The following PLCXD3 variants were observed in gnomAD, a reference collection of about 807,000 sequenced individuals.
PLCXD3 encodes PI-PLC X domain-containing protein 3.
Under a neutral mutation model 25.5 loss-of-function variants are expected in PLCXD3, and 19 were observed. The ratio of observed to expected loss-of-function variants is 0.75; its 90% confidence interval spans 0.52 to 1.09. PLCXD3 has a LOEUF of 1.09. Among genes scored for constraint, PLCXD3 ranks in the 50% least tolerant of loss-of-function variants. PLCXD3 has a pLI of 0.00. For missense variants in PLCXD3, 411 were observed against 388.1 expected, an observed-to-expected ratio of 1.06 and a Z score of -0.50; for synonymous variants, 174 against 137.6, an observed-to-expected ratio of 1.26 and a Z score of -1.85.
intron 1 of PLCXD3, among the ~76,000 whole-genome samples, chr5:41,458,705 A>G (rs1747808640): frequency 6.6e-6 from 1 of 151,928 alleles, no homozygotes; most frequent in Non-Finnish European, 1.5e-5. Context: ...GAGGTCACAG[A>G]AAACTAAAGC....
At chr5:41,419,304 G>A (rs1041732138) in intron 1 of PLCXD3, among the ~76,000 whole-genome samples, 2 of 152,054 alleles carry the variant, frequency 1.3e-5, no homozygotes, top group Non-Finnish European at 2.9e-5. Flanking sequence ...CCAAGGCTTC[G>A]TGATAATAAA....
intron 1 of PLCXD3, among the ~76,000 whole-genome samples, chr5:41,482,229 T>G (rs146995241): frequency 2.0e-5 from 3 of 152,156 alleles, no homozygotes; most frequent in African/African-American, 7.2e-5. Flanking sequence ...TTTATCTCCA[T>G]TTCCAGCTCC....
chr5:41,446,086 G>T (rs1000316485), intron 1 of PLCXD3, among the ~76,000 whole-genome samples: 14 of 146,504 alleles, frequency 9.6e-5, no homozygotes, highest in Non-Finnish European at 1.8e-4. Flanking sequence ...TTCTTGGGAG[G>T]CTGAGGCAGG....
chr5:41,484,211 C>CA (rs1254268898), intron 1 of PLCXD3, among the ~76,000 whole-genome samples: 4 of 151,790 alleles, frequency 2.6e-5, no homozygotes, highest in Non-Finnish European at 4.4e-5. Flanking sequence ...AATTCTTGTA[C>CA]TCATAAAGTC....
At chr5:41,438,802 GA>G (rs35050344) in intron 1 of PLCXD3, among the ~76,000 whole-genome samples, 7,945 of 133,602 alleles carry the variant, frequency 0.059, 215 homozygotes, top group Non-Finnish European at 0.07. Flanking sequence ...CTGTCATTAG[GA>G]AAAAAAAAAA....
chr5:41,471,848 C>G (rs1209395089), intron 1 of PLCXD3, among the ~76,000 whole-genome samples: 4 of 6,288 alleles, frequency 6.4e-4, no homozygotes, highest in Admixed American at 2.5e-3. Flanking sequence ...CTCCCCTCCC[C>G]TCCCCTCCCT....
intron 2 of PLCXD3, among the ~76,000 whole-genome samples, chr5:41,330,153 C>T (rs1160241330): frequency 6.6e-6 from 1 of 151,828 alleles, no homozygotes; most frequent in African/African-American, 2.4e-5. Flanking sequence ...CTCTGATGCA[C>T]TGGGGGATAA....
chr5:41,476,921 C>G (rs889226502), intron 1 of PLCXD3, among the ~76,000 whole-genome samples: 4 of 152,172 alleles, frequency 2.6e-5, no homozygotes, highest in African/African-American at 9.6e-5. Context: ...GTGCTTAACA[C>G]CTTAATCTTC....
intron 1 of PLCXD3, among the ~76,000 whole-genome samples, chr5:41,456,799 C>G (rs1010536001): frequency 2.0e-5 from 3 of 151,868 alleles, no homozygotes; most frequent in African/African-American, 7.3e-5. Context: ...AGCAGCCTCT[C>G]ACCCTCTCAC....
rs1441894506 is a variant in PLCXD3 at position 41,313,883 on chromosome 5, A to G, written c.813-113T>C. 37 of 1,287,852 alleles carry G rather than the reference A, an allele frequency of 2.9e-5. No homozygotes were observed. The Admixed American group carries it at 9.8e-4, about 34-fold the overall frequency. The allele number at this position is 1,287,852 out of a possible 1,614,324, so 79.8% of individuals were successfully genotyped here. A position where few individuals can be genotyped will look rare whatever the true frequency, so the allele number is the denominator to read the frequency against. On this transcript the variant is annotated intron_variant, in intron 2 of 2. Transcript: ENST00000377801. The stretch of plus-strand genomic sequence containing the variant: ...GCTTATTAAAATAAATGTTTCACGT[A>G]TAGGTACAGGAAGGGGAAAAGGCCA...
chr5:41,318,771 G>C (rs762813029), intron 2 of PLCXD3, among the ~76,000 whole-genome samples: 43 of 152,032 alleles, frequency 2.8e-4, no homozygotes, highest in Non-Finnish European at 5.7e-4. Flanking sequence ...GAATGTAAAT[G>C]GACTAAACTC....
chr5:41,432,619 G>C (rs1295552910), intron 1 of PLCXD3, among the ~76,000 whole-genome samples: 2 of 152,202 alleles, frequency 1.3e-5, no homozygotes. Flanking sequence ...AAGAGAGCCA[G>C]CTTCCAAGAG....
chr5:41,486,566 G>C (rs1194163245), intron 1 of PLCXD3, among the ~76,000 whole-genome samples: 1 of 152,060 alleles, frequency 6.6e-6, no homozygotes, highest in African/African-American at 2.4e-5. Context: ...GCTAAGCAGA[G>C]CTGAGCCTCA....
chr5:41,330,924 T>C (rs1282665567), intron 2 of PLCXD3, among the ~76,000 whole-genome samples: 1 of 152,078 alleles, frequency 6.6e-6, no homozygotes, highest in Non-Finnish European at 1.5e-5. Flanking sequence ...CTCAATAAAT[T>C]AGGTATTGAT....
At chr5:41,479,462 G>T (rs1385242461) in intron 1 of PLCXD3, among the ~76,000 whole-genome samples, 1 of 152,038 alleles carries the variant, frequency 6.6e-6, no homozygotes, top group Admixed American at 6.6e-5. Context: ...AGAATTGTAT[G>T]CCTAAAATCG....
At chr5:41,331,179 T>C (rs1446040220) in intron 2 of PLCXD3, among the ~76,000 whole-genome samples, 24 of 152,186 alleles carry the variant, frequency 1.6e-4, no homozygotes, top group Non-Finnish European at 3.2e-4. Context: ...GATGACATGA[T>C]TGTATATCTA....
chr5:41,457,728 T>C (rs532943687), intron 1 of PLCXD3, among the ~76,000 whole-genome samples: 1 of 152,038 alleles, frequency 6.6e-6, no homozygotes, highest in South Asian at 2.1e-4. Flanking sequence ...CTAGGGTTCT[T>C]AAAGCTGATG....
At chr5:41,345,538 T>C (rs982002568) in intron 2 of PLCXD3, among the ~76,000 whole-genome samples, 2 of 152,214 alleles carry the variant, frequency 1.3e-5, no homozygotes, top group Non-Finnish European at 2.9e-5. Flanking sequence ...TAAGATAACA[T>C]TGTTTTCTGA....
intron 1 of PLCXD3, among the ~76,000 whole-genome samples, chr5:41,494,533 A>G (rs1484555824): frequency 6.6e-6 from 1 of 152,208 alleles, no homozygotes; most frequent in Non-Finnish European, 1.5e-5. Flanking sequence ...TTGGGAAACT[A>G]ATAGGTAATG....
Sources: allele counts gnomAD v4.1 joint callset (sites outside exome capture counted in the v4.1 genomes callset), GRCh38; gene constraint gnomAD v4.1.1; transcripts MANE v1.5; gene names NCBI Gene and HGNC (gene_info 2026-07-23, HGNC 2026-07-21).